SLC44A5: variants seen among roughly 807,000 people sequenced by gnomAD.
SLC44A5 encodes the protein solute carrier family 44 member 5.
In SLC44A5, 57 loss-of-function variants were observed where a neutral mutation model predicts 101.8. The ratio of observed to expected loss-of-function variants is 0.56; its 90% CI spans 0.45 to 0.70. The LOEUF is 0.70. SLC44A5 is among the 30% of genes least tolerant of loss of function. The probability of loss-of-function intolerance (pLI) is 0.00; values close to 1 mark genes in which losing one functional copy is unlikely to be tolerated. For synonymous variants in SLC44A5, 281 were observed against 290.9 expected (o/e 0.97, Z 0.35); for missense variants, 737 against 853.1 (o/e 0.86, Z 1.70).
intron 2 of SLC44A5, among the ~76,000 whole-genome samples, chr1:75,453,956 A>T (rs376602769): frequency 5.0e-4 from 76 of 152,238 alleles, no homozygotes; most frequent in East Asian, 4.8e-3. Context: ...TCACAGCCAA[A>T]TTCTATCAGA....
the SLC44A5 span, among the ~76,000 whole-genome samples, chr1:75,644,369 G>A: frequency 9.1e-6 from 1 of 109,678 alleles, no homozygotes. Context: ...AATAAACAAG[G>A]GATCATTCAG....
chr1:75,629,018 G>T, the SLC44A5 span, among the ~76,000 whole-genome samples: 178 of 152,264 alleles, frequency 1.2e-3, no homozygotes, highest in African/African-American at 4.2e-3. Flanking sequence ...TGAAAAAGGA[G>T]AGGATGATGG....
At chr1:75,460,798 T>G (rs920923459) in intron 2 of SLC44A5, among the ~76,000 whole-genome samples, 1 of 152,156 alleles carries the variant, frequency 6.6e-6, no homozygotes, top group Non-Finnish European at 1.5e-5. Flanking sequence ...TTAACCAATC[T>G]TTTCTCCATT....
chr1:75,285,966 T>G (rs956021736), intron 5 of SLC44A5, among the ~76,000 whole-genome samples: 6 of 152,136 alleles, frequency 3.9e-5, no homozygotes, highest in Admixed American at 3.3e-4. Context: ...TAGAATTTTC[T>G]GTAAATATCT....
intron 2 of SLC44A5, among the ~76,000 whole-genome samples, chr1:75,489,250 A>G (rs950611020): frequency 1.3e-5 from 2 of 152,068 alleles, no homozygotes; most frequent in East Asian, 3.9e-4. Context: ...TAAAAAAAAC[A>G]TAAATTCATG....
intron 2 of SLC44A5, among the ~76,000 whole-genome samples, chr1:75,410,410 A>G (rs1663198677): frequency 6.6e-6 from 1 of 152,166 alleles, no homozygotes; most frequent in Non-Finnish European, 1.5e-5. Flanking sequence ...AAAAAAAAAT[A>G]GAAGCCAATC....
At position 75,283,358 on chromosome 1, in the gene SLC44A5, C is replaced by T. The variant is rs1652776138; in HGVS notation, c.176-8316G>A. On this transcript the variant is annotated intron_variant, in intron 5 of 23. Coordinates refer to ENST00000370859, the MANE Select transcript of SLC44A5 (RefSeq NM_001130058.2). ...TTTGATCAGATTCTTTGGTGTTTTT[C>T]TTTCTGATTTGTTTGAGTTTTTTGT... Among the ~76,000 whole-genome samples the T allele has an allele frequency of 2.0e-5, 3 of 151,892 alleles. No homozygotes were observed. The South Asian group carries it at 6.2e-4, about 31-fold the overall frequency.
chr1:75,668,315 C>CTTTTTTTTTT, the SLC44A5 span, among the ~76,000 whole-genome samples: 1 of 65,086 alleles, frequency 1.5e-5, no homozygotes, highest in Non-Finnish European at 2.8e-5. Flanking sequence ...TCCTAGGAGC[C>CTTTTTTTTTT]TTTTTTTTTT....
At chr1:75,530,813 C>A (rs531631899) in intron 2 of SLC44A5, among the ~76,000 whole-genome samples, 2 of 152,296 alleles carry the variant, frequency 1.3e-5, no homozygotes, top group Non-Finnish European at 2.9e-5. Flanking sequence ...ACAGAGCCTG[C>A]AATCCCATCC....
chr1:75,688,038 A>G, the SLC44A5 span, among the ~76,000 whole-genome samples: 1 of 152,140 alleles, frequency 6.6e-6, no homozygotes, highest in Non-Finnish European at 1.5e-5. Flanking sequence ...CCTCAGTCAT[A>G]GTGCCTCTGC....
chr1:75,656,682 A>G, the SLC44A5 span, among the ~76,000 whole-genome samples: 2 of 152,228 alleles, frequency 1.3e-5, no homozygotes, highest in African/African-American at 4.8e-5. Context: ...CACATTAAAA[A>G]CAAACAGCAG....
At chr1:75,352,667 T>C (rs1006449796) in intron 3 of SLC44A5, among the ~76,000 whole-genome samples, 9 of 152,278 alleles carry the variant, frequency 5.9e-5, no homozygotes, top group Non-Finnish European at 1.0e-4. Context: ...TGGAGTCTTA[T>C]ACACTGCTAG....
At chr1:75,359,845 AT>A (rs1215003512) in intron 3 of SLC44A5, among the ~76,000 whole-genome samples, 2 of 152,020 alleles carry the variant, frequency 1.3e-5, no homozygotes, top group African/African-American at 2.4e-5. Context: ...TATCTTTCAT[AT>A]TTTCAATAAT....
chr1:75,493,454 C>CAA (rs1023774699), intron 2 of SLC44A5, among the ~76,000 whole-genome samples: 5 of 151,858 alleles, frequency 3.3e-5, no homozygotes, highest in Non-Finnish European at 7.4e-5. Context: ...CAAGAACAAA[C>CAA]AGAATTGCAA....
chr1:75,308,171 A>G (rs184587717), intron 4 of SLC44A5, among the ~76,000 whole-genome samples: 1 of 152,336 alleles, frequency 6.6e-6, no homozygotes, highest in East Asian at 1.9e-4. Flanking sequence ...ACAGTATAAT[A>G]TTGATAATAT....
intron 1 of SLC44A5, among the ~76,000 whole-genome samples, chr1:75,579,918 T>C (rs966014680): frequency 1.3e-5 from 2 of 151,846 alleles, no homozygotes; most frequent in Non-Finnish European, 2.9e-5. Context: ...ACACAAATGG[T>C]CAGCATTTAA....
intron 2 of SLC44A5, among the ~76,000 whole-genome samples, chr1:75,466,498 T>G (rs1666824612): frequency 1.3e-5 from 2 of 151,410 alleles, no homozygotes; most frequent in Admixed American, 1.3e-4. Context: ...CTACTAAAAA[T>G]ACAAAAAGTT....
At chr1:75,509,208 A>AAGACTTGGG (rs1438551294) in intron 2 of SLC44A5, among the ~76,000 whole-genome samples, 1 of 152,248 alleles carries the variant, frequency 6.6e-6, no homozygotes, top group African/African-American at 2.4e-5. Flanking sequence ...CAGAAAACTC[A>AAGACTTGGG]AGACTTGGGA....
chr1:75,347,601 C>CATT (rs1478775881), intron 3 of SLC44A5, among the ~76,000 whole-genome samples: 2 of 151,674 alleles, frequency 1.3e-5, no homozygotes, highest in Non-Finnish European at 2.9e-5. Flanking sequence ...TTGTATTATC[C>CATT]ATTATAAGCT....
Sources: gnomAD v4.1 joint callset for allele counts (sites outside exome capture counted in the v4.1 genomes callset) on GRCh38, gnomAD v4.1.1 for gene constraint, MANE v1.5 for transcripts, NCBI Gene and HGNC (gene_info 2026-07-23, HGNC 2026-07-21) for gene names.